ANKFY1: variants seen among roughly 807,000 people sequenced by gnomAD.
The protein encoded by ANKFY1 is ankyrin repeat and FYVE domain containing 1, also known as ankyrin repeat and FYVE domain-containing protein 1.
Under a neutral mutation model 128.3 loss-of-function variants are expected in ANKFY1, and 47 were observed. The ratio of observed to expected loss-of-function variants is 0.37; its 90% CI spans 0.29 to 0.47. ANKFY1 has a LOEUF of 0.47. Ranked by LOEUF, ANKFY1 falls within the 20% of genes least tolerant of loss-of-function variation. ANKFY1 has a pLI of 1.00. For synonymous variants in ANKFY1, 553 were observed against 601.6 expected (o/e 0.92, Z 1.18); for missense variants, 1,222 against 1,510.6 (o/e 0.81, Z 3.17).
intron 1 of ANKFY1, among the ~76,000 whole-genome samples, chr17:4,252,616 G>A (rs1157147120): frequency 1.3e-5 from 2 of 152,134 alleles, no homozygotes; most frequent in Non-Finnish European, 2.9e-5. Flanking sequence ...ATTGCTAATG[G>A]AAATGCAAAA....
chr17:4,225,587 AC>A (rs1005307338), intron 3 of ANKFY1, among the ~76,000 whole-genome samples: 13 of 152,228 alleles, frequency 8.5e-5, no homozygotes, highest in African/African-American at 2.9e-4. Flanking sequence ...TCCCATTTTA[AC>A]TGATTATAGC....
Position 4,258,341 on chromosome 17 carries a change from C to T in ANKFY1, c.10+5591G>A, listed in dbSNP as rs543324936. ...GAGATCAAGACCATCCTTGCTAACACGGTGAAACCTCATCTCTACCAAAAA... is the reference window on the plus strand; with the variant it reads ...GAGATCAAGACCATCCTTGCTAACATGGTGAAACCTCATCTCTACCAAAAA... On this transcript the variant is annotated intron_variant, in intron 1 of 24. Coordinates refer to ENST00000341657, the MANE Select transcript of ANKFY1 (RefSeq NM_001330063.2). Among the ~76,000 whole-genome samples, 35 of 152,146 alleles carry T rather than the reference C, an allele frequency of 2.3e-4. No homozygotes were observed. In the South Asian group the frequency reaches 2.7e-3, roughly 12 times the overall value.
At chr17:4,249,839 T>A (rs1232123666) in intron 1 of ANKFY1, among the ~76,000 whole-genome samples, 1 of 152,034 alleles carries the variant, frequency 6.6e-6, no homozygotes, top group East Asian at 1.9e-4. Flanking sequence ...ACCCATTTCT[T>A]AAGAGTCCTC....
At chr17:4,171,092 G>A (rs747139168) in intron 22 of ANKFY1, among the ~76,000 whole-genome samples, 25 of 152,302 alleles carry the variant, frequency 1.6e-4, no homozygotes, top group African/African-American at 2.4e-4. Context: ...AGCAGCTGCC[G>A]TTTCCAAGAC....
intron 11 of ANKFY1, among the ~76,000 whole-genome samples, chr17:4,189,092 C>T (rs1015709022): frequency 1.3e-5 from 2 of 152,124 alleles, no homozygotes; most frequent in Non-Finnish European, 2.9e-5. Context: ...TTTGTGCACG[C>T]GTTTGCTAAC....
intron 12 of ANKFY1, 71 bp from the exon 13 acceptor site, chr17:4,183,981 G>A: frequency 7.4e-7 from 1 of 1,356,214 alleles, no homozygotes; most frequent in South Asian, 1.2e-5. Context: ...CTTCAGTAGA[G>A]TAAGAACTCA....
intron 21 of ANKFY1, 48 bp from the exon 22 acceptor site, chr17:4,172,728 C>G (rs767190788): frequency 5.0e-6 from 8 of 1,603,430 alleles, no homozygotes; most frequent in Non-Finnish European, 6.8e-6. Context: ...CCATGGCCAT[C>G]ACACACAAAA....
At chr17:4,257,238 A>G (rs1968176118) in intron 1 of ANKFY1, among the ~76,000 whole-genome samples, 1 of 152,098 alleles carries the variant, frequency 6.6e-6, no homozygotes, top group African/African-American at 2.4e-5. Flanking sequence ...CACCAGCCCC[A>G]CAGCCTCTAC....
intron 14 of ANKFY1, 43 bp from the exon 15 acceptor site, chr17:4,182,392 C>T: frequency 6.8e-7 from 1 of 1,472,454 alleles, no homozygotes; most frequent in Non-Finnish European, 9.1e-7. Context: ...GTGGTTGAAC[C>T]CAAAGCACAG....
intron 6 of ANKFY1, 117 bp downstream of exon 6, chr17:4,207,816 A>T (rs766621990): frequency 1.9e-6 from 2 of 1,065,688 alleles, no homozygotes; most frequent in Non-Finnish European, 2.6e-6. Flanking sequence ...TTTAGTAGAA[A>T]TCCGTACGTT....
At chr17:4,175,064 G>A (rs1215576871) in intron 19 of ANKFY1, among the ~76,000 whole-genome samples, 1 of 150,132 alleles carries the variant, frequency 6.7e-6, no homozygotes, top group African/African-American at 2.4e-5. Context: ...CGGGTGCAGT[G>A]GCTCAGGCCT....
At chr17:4,191,472 T>C (rs1338428662) in intron 10 of ANKFY1, 1 of 151,648 alleles carries the variant, frequency 6.6e-6, no homozygotes, top group Non-Finnish European at 1.5e-5. Flanking sequence ...GCCTAGTTGA[T>C]GGTTACTCTA....
chr17:4,209,839 A>G lies in ANKFY1; in HGVS notation c.567T>C (p.Ile189=). The change falls in exon 5 of 25, where the codon ATT becomes ATC. Residue 189 remains isoleucine (I), a synonymous_variant. Coordinates refer to ENST00000341657, the MANE Select transcript of ANKFY1 (RefSeq NM_001330063.2). ...CCTCACTCACCCAATGACTTGCAAT[A>G]ATTTCTGCACAGTAGTTCATCAGTG... ...ASTLMNYCAE[I]IASHWDDLRK... The G allele has an allele frequency of 1.2e-6, 2 of 1,612,936 alleles. No individual in the cohort carries two copies. The highest frequency in any genetic ancestry group is 8.5e-7 in the Non-Finnish European group (1 of 1,179,082).
chr17:4,214,523 C>CTTTTTT (rs61260385), intron 4 of ANKFY1, among the ~76,000 whole-genome samples: 4 of 136,162 alleles, frequency 2.9e-5, no homozygotes, highest in Non-Finnish European at 4.8e-5. Context: ...ATAAACCTAA[C>CTTTTTT]TTTTTTTTTT....
intron 19 of ANKFY1, 97 bp downstream of exon 19, chr17:4,177,029 A>C (rs572354833): frequency 1.5e-5 from 20 of 1,293,228 alleles, no homozygotes; most frequent in Non-Finnish European, 2.0e-5. Context: ...AGGTGCTTTC[A>C]CAACACCGGG....
In ANKFY1 at chr17:4,248,452, C is replaced by G. The variant is rs185125749; in HGVS notation, c.11-6004G>C. 1.6e-4 allele frequency among the ~76,000 whole-genome samples: 25 copies of G among 152,328 alleles called. No individual in the cohort carries two copies. The South Asian group carries it at 5.0e-3, about 30-fold the overall frequency. On this transcript the variant is annotated intron_variant, in intron 1 of 24. Transcript: ENST00000341657. ...CCATCTATGGACAAACTGTCTTCCA[C>G]GAAACCAGTCTCTGGTGCCAAAAAG... is the stretch of plus-strand genomic sequence containing the variant.
In ANKFY1 at chr17:4,182,312, T is replaced by G. The variant is rs2059530842; in HGVS notation, c.1990A>C (p.Arg664=). 2 of 1,592,130 alleles carry G rather than the reference T, an allele frequency of 1.3e-6. No individual in the cohort carries two copies. Among genetic ancestry groups the G allele is most frequent in the Non-Finnish European group, 1.7e-6 (2 of 1,168,298 alleles). ...TCAACTACGAGTGGAAGCTGGTTTC[T>G]GATGGCCAGCTGGAGGGCTGTCTCC... The part of the protein sequence containing the change: ...DGETALQLAI[R]NQLPLVVDAI... The change falls in exon 15 of 25, where the codon AGA becomes CGA. Residue 664 remains arginine, a synonymous_variant. Coordinates refer to ENST00000341657, the MANE Select transcript of ANKFY1 (RefSeq NM_001330063.2).
At chr17:4,197,600 A>G (rs1434905746) in intron 7 of ANKFY1, 23 bp from the exon 8 acceptor site, 2 of 1,608,618 alleles carry the variant, frequency 1.2e-6, no homozygotes, top group Admixed American at 1.7e-5. Flanking sequence ...TAATAGAAGA[A>G]ACAGTGTCAG....
intron 2 of ANKFY1, among the ~76,000 whole-genome samples, chr17:4,240,022 C>G (rs532387581): frequency 6.6e-6 from 1 of 151,210 alleles, no homozygotes; most frequent in Admixed American, 6.6e-5. Context: ...GCTCACCCTG[C>G]TCTTTTCTCT....
Sources: allele counts gnomAD v4.1 joint callset (sites outside exome capture counted in the v4.1 genomes callset), GRCh38; gene constraint gnomAD v4.1.1; transcripts MANE v1.5; gene names NCBI Gene and HGNC (gene_info 2026-07-23, HGNC 2026-07-21).